ABCA3: variants seen among roughly 807,000 people sequenced by gnomAD.
The protein encoded by ABCA3 is phospholipid-transporting ATPase ABCA3.
ABCA3 carries 88 observed loss-of-function variants against 172.8 expected under a neutral mutation model. That is an observed-to-expected ratio of 0.51 (90% CI 0.43 to 0.61). The LOEUF (loss-of-function observed/expected upper bound fraction) is 0.61. Ranked by LOEUF, ABCA3 falls within the 20% of genes least tolerant of loss-of-function variation. The pLI is 0.00. For synonymous variants in ABCA3, 1,066 were observed against 983.8 expected, an observed-to-expected ratio of 1.08 and a Z score of -1.56; for missense variants, 2,164 against 2,301.0, an observed-to-expected ratio of 0.94 and a Z score of 1.22.
chr16:2,319,979 C>T (rs1427362292), intron 7 of ABCA3, 139 bp from the exon 8 acceptor site: 2 of 1,065,082 alleles, frequency 1.9e-6, no homozygotes, highest in Non-Finnish European at 2.8e-6. Context: ...CGTGGCCGCT[C>T]AGTGGTCCCA....
At position 2,285,308 on chromosome 16, in the gene ABCA3, C is replaced by T. The variant is rs1280509415; in HGVS notation, c.3483+134G>A. On this transcript the variant is annotated intron_variant, in intron 23 of 32. Coordinates refer to ENST00000301732, the MANE Select transcript of ABCA3 (RefSeq NM_001089.3). This position sits in a 1 kb window ranked among gnomAD's most constrained non-coding sequence, Gnocchi z 4.7. ...GCGAGGGGGCAGCCGCCAGGGGATTCCAGCTGTCCTCCCTGAGTCGGGCCG... is the reference window on the plus strand; with the variant it reads ...GCGAGGGGGCAGCCGCCAGGGGATTTCAGCTGTCCTCCCTGAGTCGGGCCG... The T allele has an allele frequency of 3.0e-5, 34 of 1,123,512 alleles. No individual in the cohort carries two copies. The Admixed American group carries it at 6.0e-4, about 20-fold the overall frequency. The allele number at this position is 1,123,512 out of a possible 1,614,324, so 69.6% of individuals were successfully genotyped here.
At chr16:2,327,611 G>A (rs1428600591) in intron 3 of ABCA3, among the ~76,000 whole-genome samples, 1 of 152,184 alleles carries the variant, frequency 6.6e-6, no homozygotes, top group African/African-American at 2.4e-5. Flanking sequence ...CATGCTGGTG[G>A]GGCCATCAGT....
At chr16:2,323,805 C>G (rs937819824) in intron 6 of ABCA3, 117 bp from the exon 7 acceptor site, 3 of 1,155,812 alleles carry the variant, frequency 2.6e-6, no homozygotes. Context: ...ACCACTCCCC[C>G]GCCTCTGAGT....
rs1267157409 is a variant in ABCA3, at chr16:2,276,197, T to C, written c.*477A>G. On this transcript the variant is annotated 3_prime_UTR_variant, in exon 33 of 33. Coordinates refer to ENST00000301732, the MANE Select transcript of ABCA3 (RefSeq NM_001089.3). ...ATCACAGTCAGCAGCTTCCCTCCAC[T>C]GACAGTGATCTGCATGGTCCATTCC... is the stretch of plus-strand genomic sequence containing the variant. 5.0e-6 allele frequency: 2 copies of C among 401,616 alleles called. No individual in the cohort carries two copies. Among genetic ancestry groups the C allele is most frequent in the Non-Finnish European group, 1.0e-5 (2 of 197,390 alleles). The allele number at this position is 401,616 out of a possible 1,614,324, so 24.9% of individuals were successfully genotyped here. A position where few individuals can be genotyped will look rare whatever the true frequency, so the allele number is the denominator to read the frequency against.
intron 12 of ABCA3, among the ~76,000 whole-genome samples, chr16:2,300,616 C>T (rs2093687380): frequency 6.6e-6 from 1 of 152,216 alleles, no homozygotes; most frequent in African/African-American, 2.4e-5. Context: ...ATGAGGAAGC[C>T]TCTTCCCATC....
chr16:2,294,011 T>G (rs1465371341), intron 18 of ABCA3, among the ~76,000 whole-genome samples: 2 of 150,656 alleles, frequency 1.3e-5, no homozygotes, highest in African/African-American at 4.9e-5. Context: ...TTTCTTTCTT[T>G]TTTTTTTTTT....
In ABCA3 at chr16:2,326,233, T is replaced by G; in HGVS notation, c.96A>C (p.Pro32=). 1 of 1,613,864 alleles carries G rather than the reference T, an allele frequency of 6.2e-7. No individual in the cohort carries two copies. Among genetic ancestry groups the G allele is most frequent in the Non-Finnish European group, 8.5e-7 (1 of 1,180,020 alleles). Residue 32 remains proline (P), a synonymous_variant, in exon 5 of 33, where the codon CCA becomes CCC. Transcript: ENST00000301732. ...AGATGAGGATCCCAGAAAACAGCAA[T>G]GGCAGGAAGAGTTCCAGGACCGTCA... ...VLVTVLELFL[P]LLFSGILIWL...
chr16:2,295,801 C>G, intron 17 of ABCA3, 61 bp from the exon 18 acceptor site: 3 of 1,610,132 alleles, frequency 1.9e-6, no homozygotes, highest in Non-Finnish European at 2.5e-6. Context: ...TCATGCCCAC[C>G]CCGGGGTCTC....
At chr16:2,282,388 C>T (rs61488966) in intron 26 of ABCA3, among the ~76,000 whole-genome samples, 1,691 of 152,300 alleles carry the variant, frequency 0.011, 33 homozygotes, top group African/African-American at 0.039. Context: ...TGTGAGCCAC[C>T]ATGCCTGGCC....
intron 11 of ABCA3, among the ~76,000 whole-genome samples, chr16:2,307,505 G>T (rs2093699690): frequency 6.6e-6 from 1 of 151,958 alleles, no homozygotes; most frequent in African/African-American, 2.4e-5. Flanking sequence ...GATGAGCCAA[G>T]ATCGCACCAC....
intron 7 of ABCA3, among the ~76,000 whole-genome samples, 190 bp from the exon 8 acceptor site, chr16:2,320,030 G>C (rs973603542): frequency 7.9e-5 from 12 of 152,070 alleles, no homozygotes; most frequent in African/African-American, 2.9e-4. Context: ...GACAGCAAAT[G>C]AGAAGAGAGA....
At chr16:2,339,101 C>T (rs887882548) in intron 1 of ABCA3, 2 of 152,258 alleles carry the variant, frequency 1.3e-5, no homozygotes, top group South Asian at 2.1e-4. Context: ...CCGTCAGAGC[C>T]GTCCCCAAAG....
At chr16:2,327,521 T>G (rs927321380) in intron 3 of ABCA3, among the ~76,000 whole-genome samples, 1 of 152,148 alleles carries the variant, frequency 6.6e-6, no homozygotes, top group African/African-American at 2.4e-5. Flanking sequence ...GAGAGAGCTG[T>G]GCAGGGAAGG....
At position 2,297,345 on chromosome 16, in the gene ABCA3, G is replaced by C; in HGVS notation, c.2247C>G (p.Phe749Leu). Residue 749 changes from phenylalanine (F) to leucine (L), a missense_variant, in exon 17 of 33, where the codon TTC becomes TTG. By Grantham distance (22) the Phe-to-Leu change is conservative (BLOSUM62 0). Around this residue, in one of 3 missense-constraint regions of ABCA3, gnomAD observed 1,343 missense variants for 1,369.6 expected, o/e 0.98. Transcript: ENST00000301732. This position sits in a 1 kb window ranked among gnomAD's most constrained non-coding sequence, Gnocchi z 5.6. Reference sequence around the variant, plus strand: ...ACCGCTCACCGTATTTCTGCTTGAGGAACAGCGAGGACCCGCAGCACTGCA... The same window carrying C: ...ACCGCTCACCGTATTTCTGCTTGAGCAACAGCGAGGACCCGCAGCACTGCA... ...GELQCCGSSL[F>L]LKQKYGAGYH... 6.2e-7 allele frequency: 1 copy of C among 1,611,698 alleles called. No individual in the cohort carries two copies. Among genetic ancestry groups the C allele is most frequent in the Non-Finnish European group, 8.5e-7 (1 of 1,179,980 alleles).
rs2093657432 is a variant in ABCA3 at position 2,283,065 on chromosome 16, G to C, written c.4035+121C>G. The C allele has an allele frequency of 8.6e-7, 1 of 1,157,334 alleles. No individual in the cohort carries two copies. Among genetic ancestry groups the C allele is most frequent in the African/African-American group, 1.5e-5 (1 of 65,412 alleles). 71.7% of individuals were successfully genotyped at this position (1,157,334 alleles called of 1,614,324 possible). ...CTGGTGCTGAGGCCGTACAGTGGGAGACCATCTGGTGCAGGAGCTGCCTGG... is the reference window on the plus strand; with the variant it reads ...CTGGTGCTGAGGCCGTACAGTGGGACACCATCTGGTGCAGGAGCTGCCTGG... On this transcript the variant is annotated intron_variant, in intron 26 of 32. Transcript: ENST00000301732. The surrounding 1 kb of genome is among the most constrained non-coding windows in gnomAD (Gnocchi z 5.4).
rs755998204 is a variant in ABCA3 at position 2,281,373 on chromosome 16, A to C, written c.4164+8T>G. On this transcript the variant is annotated splice_region_variant and intron_variant, in intron 27 of 32. Coordinates refer to ENST00000301732, the MANE Select transcript of ABCA3 (RefSeq NM_001089.3). The surrounding 1 kb of genome is among the most constrained non-coding windows in gnomAD (Gnocchi z 4.7). ...CAGGAAGGACTCCACCCCAAATTGCAAGGGTACCTTGGAGAGCTCCTTGAT... is the reference window on the plus strand; with the variant it reads ...CAGGAAGGACTCCACCCCAAATTGCCAGGGTACCTTGGAGAGCTCCTTGAT... 11 of 1,613,438 alleles carry C rather than the reference A, an allele frequency of 6.8e-6. No homozygotes were observed. Among genetic ancestry groups the C allele is most frequent in the Middle Eastern group, 3.3e-4 (2 of 6,084 alleles).
chr16:2,326,965 G>A (rs995857670), intron 3 of ABCA3, among the ~76,000 whole-genome samples: 2 of 152,016 alleles, frequency 1.3e-5, no homozygotes, highest in Admixed American at 6.6e-5. Flanking sequence ...TCCAGCCTGG[G>A]GGCAACAGAG....
intron 1 of ABCA3, chr16:2,332,865 T>C: frequency 9.1e-6 from 5 of 550,666 alleles, no homozygotes; most frequent in Non-Finnish European, 9.7e-6. Flanking sequence ...GGAGTGCCGT[T>C]GCGTGAGCAG....
At position 2,283,413 on chromosome 16, in the gene ABCA3, C is replaced by T; in HGVS notation, c.3863-55G>A. 6.3e-7 allele frequency: 1 copy of T among 1,590,072 alleles called. No individual in the cohort carries two copies. The highest frequency in any genetic ancestry group is 8.6e-7 in the Non-Finnish European group (1 of 1,165,278). The stretch of plus-strand genomic sequence containing the variant: ...AGGCCTGGGGCACCCTCCTCCCCTT[C>T]CAGGTTCCCGGCCCCCACTCCCCTC... On this transcript the variant is annotated intron_variant, in intron 25 of 32. Transcript: ENST00000301732. This position sits in a 1 kb window ranked among gnomAD's most constrained non-coding sequence, Gnocchi z 5.4.
Sources: gnomAD v4.1 joint callset for allele counts (sites outside exome capture counted in the v4.1 genomes callset) on GRCh38, gnomAD v4.1.1 for gene constraint, gnomAD v4.1.1 regional missense constraint, Gnocchi (gnomAD v3.1) non-coding constraint, MANE v1.5 for transcripts, NCBI Gene and HGNC (gene_info 2026-07-23, HGNC 2026-07-21) for gene names.